The following TENM2 variants were observed in gnomAD, a reference collection of about 807,000 sequenced individuals.
TENM2 encodes teneurin-2.
In TENM2, 52 loss-of-function variants were observed where a neutral mutation model predicts 245.2. That is an observed-to-expected ratio of 0.21 (90% CI 0.17 to 0.27). TENM2 has a LOEUF of 0.27. Among genes scored for constraint, TENM2 ranks in the 10% least tolerant of loss-of-function variants. The probability of loss-of-function intolerance (pLI) is 1.00; values close to 1 mark genes in which losing one functional copy is unlikely to be tolerated. For synonymous variants in TENM2, 1,363 were observed against 1,438.9 expected (o/e 0.95, Z 1.19); for missense variants, 3,046 against 3,666.8 (o/e 0.83, Z 4.37).
intron 14 of TENM2, among the ~76,000 whole-genome samples, chr5:168,191,357 A>C (rs1180956499): frequency 6.6e-6 from 1 of 152,156 alleles, no homozygotes; most frequent in Non-Finnish European, 1.5e-5. Context: ...CTGAGGGTAG[A>C]GAGGAGGGGT....
the TENM2 span, among the ~76,000 whole-genome samples, chr5:167,183,599 G>A: frequency 2.0e-5 from 3 of 152,112 alleles, no homozygotes; most frequent in Non-Finnish European, 4.4e-5. Context: ...AGCTGTTTGA[G>A]TTTCAACTTG....
chr5:167,992,479 G>A (rs1163344309), intron 4 of TENM2, among the ~76,000 whole-genome samples: 1 of 152,164 alleles, frequency 6.6e-6, no homozygotes, highest in African/African-American at 2.4e-5. Context: ...ATTCCACGGT[G>A]TATGTATAGC....
chr5:167,852,222 G>A (rs978348314), intron 2 of TENM2, among the ~76,000 whole-genome samples: 5 of 152,250 alleles, frequency 3.3e-5, no homozygotes, highest in East Asian at 1.9e-4. Context: ...ACTAATAAAA[G>A]CACAATTGAA....
intron 2 of TENM2, among the ~76,000 whole-genome samples, chr5:167,416,429 C>T (rs1169649397): frequency 3.3e-5 from 5 of 152,084 alleles, no homozygotes; most frequent in East Asian, 3.9e-4. Flanking sequence ...TAAATACATA[C>T]GGGGCTCCTA....
intron 12 of TENM2, chr5:168,139,492 G>A (rs1755346689): frequency 2.2e-6 from 1 of 456,300 alleles, no homozygotes; most frequent in Non-Finnish European, 4.4e-6. Flanking sequence ...GGAATTACTG[G>A]CAAAGGCTAG....
chr5:167,855,885 G>GGGGA (rs1771042861), intron 2 of TENM2, among the ~76,000 whole-genome samples: 1 of 46,564 alleles, frequency 2.1e-5, no homozygotes, highest in South Asian at 1.2e-3. Context: ...GAGGAAGGAA[G>GGGGA]GGAAGGAGGG....
chr5:167,774,214 G>GAGGAAGGAAGGAAGGA (rs200752272), intron 2 of TENM2, among the ~76,000 whole-genome samples: 1,549 of 111,386 alleles, frequency 0.014, 37 homozygotes, highest in African/African-American at 0.031. Flanking sequence ...GGGAGGGAGG[G>GAGGAAGGAAGGAAGGA]AGGAAGGAAG....
At chr5:167,055,756 C>T in the TENM2 span, among the ~76,000 whole-genome samples, 1 of 151,880 alleles carries the variant, frequency 6.6e-6, no homozygotes, top group Non-Finnish European at 1.5e-5. Flanking sequence ...ATATATTAAC[C>T]TTCTAACTGC....
At chr5:167,575,506 G>A (rs2127669297) in intron 2 of TENM2, among the ~76,000 whole-genome samples, 1 of 152,196 alleles carries the variant, frequency 6.6e-6, no homozygotes. Context: ...CATGTCTCGC[G>A]TTTGCCAGAC....
At chr5:167,720,317 A>G (rs955075214) in intron 2 of TENM2, among the ~76,000 whole-genome samples, 1 of 152,194 alleles carries the variant, frequency 6.6e-6, no homozygotes, top group African/African-American at 2.4e-5. Flanking sequence ...CATGCATATG[A>G]AAAAAATATG....
chr5:168,121,185 G>A (rs1284663188), intron 10 of TENM2, among the ~76,000 whole-genome samples: 2 of 152,182 alleles, frequency 1.3e-5, no homozygotes, highest in Non-Finnish European at 1.5e-5. Context: ...AACCTACAGA[G>A]GGCCCAAGAC....
chr5:167,706,100 A>G (rs537935881), intron 2 of TENM2, among the ~76,000 whole-genome samples: 22 of 145,692 alleles, frequency 1.5e-4, no homozygotes, highest in Admixed American at 5.6e-4. Flanking sequence ...ATATAATTAT[A>G]CCAGTATATA....
chr5:168,169,542 G>A (rs1411702417), intron 13 of TENM2, among the ~76,000 whole-genome samples: 3 of 152,044 alleles, frequency 2.0e-5, no homozygotes, highest in Admixed American at 6.6e-5. Flanking sequence ...GCCTCCTCCC[G>A]CTCCCTCCCC....
chr5:168,115,386 AAGGAAGGAAGGAAGG>A (rs1417377656), intron 9 of TENM2, among the ~76,000 whole-genome samples: 4 of 112,134 alleles, frequency 3.6e-5, no homozygotes, highest in African/African-American at 7.5e-5. Context: ...GGAAGGAAGG[AAGGAAGGAAGGAAGG>A]AAGGAAGGGA....
chr5:167,419,418 G>T (rs1326894065), intron 2 of TENM2, among the ~76,000 whole-genome samples: 27 of 152,134 alleles, frequency 1.8e-4, no homozygotes, highest in Admixed American at 1.8e-3. Context: ...CTGAGATGGT[G>T]CCACCGCACT....
chr5:167,856,634 G>A (rs188115444), intron 2 of TENM2, among the ~76,000 whole-genome samples: 1 of 152,286 alleles, frequency 6.6e-6, no homozygotes, highest in East Asian at 1.9e-4. Context: ...GTGGGGCAGG[G>A]TGAATATCTG....
chr5:167,776,213 A>C (rs1002205855), intron 2 of TENM2, among the ~76,000 whole-genome samples: 13 of 145,704 alleles, frequency 8.9e-5, no homozygotes, highest in Non-Finnish European at 1.3e-4. Flanking sequence ...TTCTTATCCT[A>C]TATGACTAAA....
At chr5:167,700,219 A>G (rs2150436594) in intron 2 of TENM2, among the ~76,000 whole-genome samples, 1 of 152,338 alleles carries the variant, frequency 6.6e-6, no homozygotes, top group African/African-American at 2.4e-5. Flanking sequence ...ACATGAAATA[A>G]AGTACTTCCT....
chr5:167,347,787 T>C (rs76669883), intron 1 of TENM2, among the ~76,000 whole-genome samples: 11,932 of 152,226 alleles, frequency 0.078, 989 homozygotes, highest in Admixed American at 0.26. Context: ...CTTCTATTTA[T>C]ATACCCAGTA....
Sources: allele counts gnomAD v4.1 joint callset (sites outside exome capture counted in the v4.1 genomes callset), GRCh38; gene constraint gnomAD v4.1.1; transcripts MANE v1.5; gene names NCBI Gene and HGNC (gene_info 2026-07-23, HGNC 2026-07-21).